Variants in MIOS observed in about 807,000 individuals in gnomAD.
MIOS encodes the protein meiosis regulator for oocyte development.
MIOS carries 52 observed loss-of-function variants against 96.9 expected under a neutral mutation model. The observed-to-expected ratio is 0.54, with a 90% CI of 0.43 to 0.68. The LOEUF is 0.68. Among genes scored for constraint, MIOS ranks in the 30% least tolerant of loss-of-function variants. The pLI is 0.00. For missense variants in MIOS, 1,005 were observed against 1,052.8 expected, an observed-to-expected ratio of 0.95 and a Z score of 0.63; for synonymous variants, 397 against 359.5, an observed-to-expected ratio of 1.10 and a Z score of -1.18.
intron 9 of MIOS, among the ~76,000 whole-genome samples, chr7:7,591,767 C>T (rs1349087332): frequency 1.3e-5 from 2 of 152,128 alleles, no homozygotes; most frequent in African/African-American, 4.8e-5. Flanking sequence ...TTGTGGTTCA[C>T]TGAGCTTCTT....
rs1300672865 is a variant in MIOS, at chr7:7,608,121, A to C, written c.*1029A>C. The C allele has an allele frequency of 1.3e-5, 2 of 151,432 alleles. No individual in the cohort carries two copies. Among genetic ancestry groups the C allele is most frequent in the African/African-American group, 4.9e-5 (2 of 41,218 alleles). 9.4% of individuals were successfully genotyped at this position (151,432 alleles called of 1,614,324 possible). On this transcript the variant is annotated 3_prime_UTR_variant, in exon 13 of 13. Transcript: ENST00000340080. ...AGACCATTTTAGATGTAAGTTTTTA[A>C]ATGTAAGTGTTACTGGGGCTAAGTC...
intron 8 of MIOS, 82 bp downstream of exon 8, chr7:7,588,645 A>G (rs528189925): frequency 4.0e-6 from 3 of 756,604 alleles, no homozygotes; most frequent in East Asian, 3.0e-5. Context: ...TTATAATTAC[A>G]TATGTATGAG....
intron 5 of MIOS, among the ~76,000 whole-genome samples, chr7:7,577,012 G>A (rs1199221493): frequency 6.6e-6 from 1 of 152,170 alleles, no homozygotes; most frequent in East Asian, 1.9e-4. Context: ...AAGATGCTTA[G>A]GTAGAGACGT....
In MIOS at chr7:7,598,386, C is replaced by T. The variant is rs148038788; in HGVS notation, c.2401+1925C>T. 9.5e-4 allele frequency among the ~76,000 whole-genome samples: 145 copies of T among 151,922 alleles called. 1 individual carries two copies. The East Asian group carries it at 0.019, about 20-fold the overall frequency. ...AGACTTGCTGGTATCATTGGCTTAGCGATTATTTTTCCATCTAGATGCTTT... is the reference window on the plus strand; with the variant it reads ...AGACTTGCTGGTATCATTGGCTTAGTGATTATTTTTCCATCTAGATGCTTT... On this transcript the variant is annotated intron_variant, in intron 11 of 12. Transcript: ENST00000340080.
At chr7:7,592,596 C>G (rs1413212323) in intron 9 of MIOS, among the ~76,000 whole-genome samples, 1 of 151,860 alleles carries the variant, frequency 6.6e-6, no homozygotes, top group East Asian at 1.9e-4. Flanking sequence ...GGTTATTTTC[C>G]TGCAACTAGA....
intron 5 of MIOS, among the ~76,000 whole-genome samples, chr7:7,580,694 C>T (rs1388021552): frequency 1.5e-5 from 2 of 129,980 alleles, no homozygotes; most frequent in African/African-American, 2.9e-5. Context: ...ACTATTTTAC[C>T]TTTTTTTTTT....
At chr7:7,600,887 C>T (rs930853490) in intron 11 of MIOS, among the ~76,000 whole-genome samples, 4 of 152,178 alleles carry the variant, frequency 2.6e-5, no homozygotes, top group Non-Finnish European at 5.9e-5. Context: ...ACAGTGCAAT[C>T]AAACTAGAAC....
At position 7,595,324 on chromosome 7, in the gene MIOS, C is replaced by T. The variant is rs773592198; in HGVS notation, c.2196+192C>T. On this transcript the variant is annotated intron_variant, in intron 10 of 12. Transcript: ENST00000340080. ...CTAACAATCATCTCAGTGGCTTGAG[C>T]TTTAGTCGCAGATAGAACAAACCAC... Among the ~76,000 whole-genome samples the T allele has an allele frequency of 3.3e-5, 5 of 152,194 alleles. 1 individual carries two copies. The highest frequency in any genetic ancestry group is 7.3e-5 in the Non-Finnish European group (5 of 68,032).
At chr7:7,570,539 C>G (rs1175732511) in intron 3 of MIOS, among the ~76,000 whole-genome samples, 1 of 152,008 alleles carries the variant, frequency 6.6e-6, no homozygotes, top group African/African-American at 2.4e-5. Flanking sequence ...TTTCTATTTA[C>G]ATTGTACTAT....
At chr7:7,596,039 T>C (rs2115465142) in intron 10 of MIOS, among the ~76,000 whole-genome samples, 1 of 152,322 alleles carries the variant, frequency 6.6e-6, no homozygotes, top group South Asian at 2.1e-4. Context: ...ATTTCAGTGG[T>C]ATTAGTAAGA....
intron 11 of MIOS, among the ~76,000 whole-genome samples, chr7:7,600,333 G>A (rs576593863): frequency 4.6e-5 from 7 of 151,890 alleles, no homozygotes; most frequent in Admixed American, 1.3e-4. Flanking sequence ...CCCGTCTCAC[G>A]TGCAGAGACA....
chr7:7,587,351 G>A (rs1783920498), intron 7 of MIOS, among the ~76,000 whole-genome samples: 1 of 152,006 alleles, frequency 6.6e-6, no homozygotes. Flanking sequence ...ACATAAATTT[G>A]AGTTATTAGA....
In MIOS at chr7:7,604,805, T is replaced by G. The variant is rs184173037; in HGVS notation, c.2402-1137T>G. On this transcript the variant is annotated intron_variant, in intron 11 of 12. Coordinates refer to ENST00000340080, the MANE Select transcript of MIOS (RefSeq NM_019005.4). The stretch of plus-strand genomic sequence containing the variant: ...TGCCTTGTTCTGATTCAGTCTGTTA[T>G]CTGTTTATGTTAGAAGTTACAAAAA... 2.2e-3 allele frequency among the ~76,000 whole-genome samples: 339 copies of G among 152,356 alleles called. 2 individuals are homozygous for G. The highest frequency in any genetic ancestry group is 8.0e-3 in the African/African-American group (333 of 41,588).
chr7:7,590,061 TG>T (rs1784003863), intron 9 of MIOS, among the ~76,000 whole-genome samples: 1 of 152,242 alleles, frequency 6.6e-6, no homozygotes, highest in Non-Finnish European at 1.5e-5. Flanking sequence ...AGGCATAGAT[TG>T]CTGTCTACTT....
chr7:7,573,826 T>A lies in MIOS; in HGVS notation c.1294+57T>A. The A allele has an allele frequency of 6.8e-7, 1 of 1,468,778 alleles. No homozygotes were observed. The highest frequency in any genetic ancestry group is 9.2e-7 in the Non-Finnish European group (1 of 1,091,662). The allele number at this position is 1,468,778 out of a possible 1,614,324, so 91.0% of individuals were successfully genotyped here. On this transcript the variant is annotated intron_variant, in intron 4 of 12. Transcript: ENST00000340080. This position sits in a 1 kb window ranked among gnomAD's most constrained non-coding sequence, Gnocchi z 5.0. ...AATCAGGTAGAAATGTTCTTGAAGT[T>A]TGCCAAAAGGTCAGTCTGTAAATAT... is the stretch of plus-strand genomic sequence containing the variant.
rs774904375 is a variant in MIOS, at chr7:7,607,110, A to T, written c.*18A>T. 18 of 1,589,606 alleles carry T rather than the reference A, an allele frequency of 1.1e-5. No individual in the cohort carries two copies. The highest frequency in any genetic ancestry group is 1.5e-5 in the Non-Finnish European group (18 of 1,164,482). On this transcript the variant is annotated 3_prime_UTR_variant, in exon 13 of 13. Transcript: ENST00000340080. ...AGCCATAAAATGTTACCACCTTAAGAGAACCCTTCAAGTGTGGAGCTTTCT... is the reference window on the plus strand; with the variant it reads ...AGCCATAAAATGTTACCACCTTAAGTGAACCCTTCAAGTGTGGAGCTTTCT...
At chr7:7,583,688 T>G (rs1783799655) in intron 6 of MIOS, among the ~76,000 whole-genome samples, 1 of 149,748 alleles carries the variant, frequency 6.7e-6, no homozygotes, top group Non-Finnish European at 1.5e-5. Context: ...AAAATATATT[T>G]TCTTAAAGAT....
At position 7,589,389 on chromosome 7, in the gene MIOS, A is replaced by C. The variant is rs1243855377; in HGVS notation, c.1885-16A>C. 1 of 1,610,258 alleles carries C rather than the reference A, an allele frequency of 6.2e-7. No homozygotes were observed. Among genetic ancestry groups the C allele is most frequent in the African/African-American group, 1.3e-5 (1 of 74,752 alleles). Reference sequence around the variant, plus strand: ...TGAAACAGATTGCTTTAGAAAAATCACTTTAAATTTTCCAGTTAAATAGAT... The same window carrying C: ...TGAAACAGATTGCTTTAGAAAAATCCCTTTAAATTTTCCAGTTAAATAGAT... On this transcript the variant is annotated splice_polypyrimidine_tract_variant and intron_variant, in intron 8 of 12. Transcript: ENST00000340080.
At chr7:7,586,988 C>CTTTTTTTTTTTTTTTTTTTTTTTT (rs71988879) in intron 7 of MIOS, among the ~76,000 whole-genome samples, 1 of 123,052 alleles carries the variant, frequency 8.1e-6, no homozygotes, top group African/African-American at 3.0e-5. Flanking sequence ...TTTTCTTTCC[C>CTTTTTTTTTTTTTTTTTTTTTTTT]TTTTTTTTTT....
Sources: gnomAD v4.1 joint callset for allele counts (sites outside exome capture counted in the v4.1 genomes callset) on GRCh38, gnomAD v4.1.1 for gene constraint, Gnocchi (gnomAD v3.1) non-coding constraint, MANE v1.5 for transcripts, NCBI Gene and HGNC (gene_info 2026-07-23, HGNC 2026-07-21) for gene names.